Variants in GOLGA1 observed in about 807,000 individuals in gnomAD.
GOLGA1 encodes the protein golgin subfamily A member 1.
A neutral mutation model predicts 119.7 loss-of-function variants in GOLGA1; 63 were observed. The observed-to-expected ratio is 0.53, with a 90% CI of 0.43 to 0.65. GOLGA1 has a LOEUF of 0.65. Ranked by LOEUF, GOLGA1 falls within the 30% of genes least tolerant of loss-of-function variation. GOLGA1 has a pLI of 0.00. For missense variants in GOLGA1, 798 were observed against 912.8 expected (o/e 0.87, Z 1.62); for synonymous variants, 318 against 333.4 (o/e 0.95, Z 0.50).
rs1375351520 is a variant in GOLGA1, at chr9:124,921,196, G to A, written c.776C>T (p.Thr259Ile). ...ASKTGAESKITALEQKEQELQ... is the reference protein window; with the variant it reads ...ASKTGAESKIIALEQKEQELQ... ...CTCTTGTTCCTTTTGTTCCAGGGCT[G>A]TGATCTTACTTTCTGCACCTGTTTT... is the stretch of plus-strand genomic sequence containing the variant. The change falls in exon 10 of 23, where the codon ACA becomes ATA. Residue 259 changes from threonine (T) to isoleucine (I), a missense_variant. Coordinates refer to ENST00000373555, the MANE Select transcript of GOLGA1 (RefSeq NM_002077.4). The A allele has an allele frequency of 1.2e-6, 2 of 1,613,110 alleles. No homozygotes were observed. The highest frequency in any genetic ancestry group is 1.7e-6 in the Non-Finnish European group (2 of 1,179,084).
Position 124,898,572 on chromosome 9 carries a change from G to T in GOLGA1, c.1384C>A (p.Gln462Lys). 6.3e-7 allele frequency: 1 copy of T among 1,598,318 alleles called. No individual in the cohort carries two copies. Among genetic ancestry groups the T allele is most frequent in the Non-Finnish European group, 8.6e-7 (1 of 1,166,578 alleles). ...ACCTTCAGCTTCTTTAGTTCAAATT[G>T]GTGATTTTGTAAAGAACGTTCATAT... is the stretch of plus-strand genomic sequence containing the variant. ...NEYERSLQNH[Q>K]FELKKLKEEW... The change falls in exon 15 of 23, where the codon CAA (glutamine) becomes AAA (lysine). Residue 462 changes from glutamine to lysine, a missense_variant. Transcript: ENST00000373555.
Position 124,879,606 on chromosome 9 carries a change from AC to A in GOLGA1, c.*923del, listed in dbSNP as rs1829526643. ...GCGCAGCACAGAATCAAGACAAAGCACACGAGATCCCACTGCACTTCAGAGG... is the reference window on the plus strand; with the variant it reads ...GCGCAGCACAGAATCAAGACAAAGCAACGAGATCCCACTGCACTTCAGAGG... On this transcript the variant is annotated 3_prime_UTR_variant, in exon 23 of 23. Coordinates refer to ENST00000373555, the MANE Select transcript of GOLGA1 (RefSeq NM_002077.4). 6.6e-6 allele frequency: 1 copy of A among 151,418 alleles called. No individual in the cohort carries two copies. Among genetic ancestry groups the A allele is most frequent in the Non-Finnish European group, 1.5e-5 (1 of 67,932 alleles). The allele number at this position is 151,418 out of a possible 1,614,324, so 9.4% of individuals were successfully genotyped here.
At chr9:124,894,426 C>T (rs1829920800) in intron 15 of GOLGA1, among the ~76,000 whole-genome samples, 1 of 151,278 alleles carries the variant, frequency 6.6e-6, no homozygotes. Context: ...GAAATAGGTT[C>T]TTGCTCTGTC....
intron 12 of GOLGA1, among the ~76,000 whole-genome samples, chr9:124,903,570 T>C (rs1488665204): frequency 1.4e-5 from 2 of 138,154 alleles, no homozygotes; most frequent in African/African-American, 5.5e-5. Context: ...GAAACAAAGG[T>C]ATAGCTTGAG....
Position 124,894,970 on chromosome 9 carries a change from T to A in GOLGA1, c.1407+3579A>T, listed in dbSNP as rs377452252. ...GAGACCCATCCACAACAGAGACCCA[T>A]CCACAACAGAGAACCCTCCACAACA... On this transcript the variant is annotated intron_variant, in intron 15 of 22. Transcript: ENST00000373555. Among the ~76,000 whole-genome samples the A allele has an allele frequency of 3.0e-3, 400 of 131,764 alleles. 1 individual carries two copies. The highest frequency in any genetic ancestry group is 0.012 in the African/African-American group (384 of 31,008). 86.4% of individuals were successfully genotyped at this position (131,764 alleles called of 152,430 possible). A position where few individuals can be genotyped will look rare whatever the true frequency, so the allele number is the denominator to read the frequency against.
chr9:124,919,094 A>G (rs1189043669), intron 10 of GOLGA1, among the ~76,000 whole-genome samples: 2 of 151,792 alleles, frequency 1.3e-5, no homozygotes, highest in African/African-American at 4.8e-5. Flanking sequence ...ACAGATAATA[A>G]TAATAAAAAA....
intron 19 of GOLGA1, among the ~76,000 whole-genome samples, chr9:124,886,860 G>C (rs1829733261): frequency 1.3e-5 from 2 of 152,044 alleles, no homozygotes. Flanking sequence ...CATGAAGTTG[G>C]GGTTAGGGGC....
rs376095456 is a variant in GOLGA1, at chr9:124,890,964, G to C, written c.1408-486C>G. ...GAACCCAGGAGTTCAAGGCCATCCT[G>C]GGTAACACAGTGAGGATCTGTCTCT... On this transcript the variant is annotated intron_variant, in intron 15 of 22. Transcript: ENST00000373555. Among the ~76,000 whole-genome samples, 10 of 152,234 alleles carry C rather than the reference G, an allele frequency of 6.6e-5. No individual in the cohort carries two copies. In the South Asian group the frequency reaches 2.1e-3, roughly 32 times the overall value.
chr9:124,937,996 T>C (rs1313591932), intron 3 of GOLGA1, among the ~76,000 whole-genome samples: 1 of 151,104 alleles, frequency 6.6e-6, no homozygotes, highest in Non-Finnish European at 1.5e-5. Context: ...GGCACGAGAA[T>C]TGCTTGAGCC....
At chr9:124,932,805 G>T (rs1830794338) in intron 3 of GOLGA1, among the ~76,000 whole-genome samples, 1 of 152,096 alleles carries the variant, frequency 6.6e-6, no homozygotes, top group Non-Finnish European at 1.5e-5. Flanking sequence ...CCCACTTTCT[G>T]GTTCATACAT....
chr9:124,926,410 C>A (rs1275677433), intron 7 of GOLGA1, among the ~76,000 whole-genome samples: 1 of 152,114 alleles, frequency 6.6e-6, no homozygotes, highest in East Asian at 1.9e-4. Context: ...TGGCTGAACC[C>A]AACCGGATGC....
chr9:124,896,716 T>G (rs1436353930), intron 15 of GOLGA1, among the ~76,000 whole-genome samples: 1 of 152,214 alleles, frequency 6.6e-6, no homozygotes, highest in Admixed American at 6.5e-5. Context: ...CCAAGGCCAG[T>G]GGATCGCTTG....
At position 124,881,918 on chromosome 9, in the gene GOLGA1, C is replaced by G; in HGVS notation, c.2002G>C (p.Glu668Gln). The G allele has an allele frequency of 6.2e-7, 1 of 1,611,710 alleles. No individual in the cohort carries two copies. Among genetic ancestry groups the G allele is most frequent in the Non-Finnish European group, 8.5e-7 (1 of 1,179,062 alleles). ...RPDNELFEVREKPGPEMANMA... is the reference protein window; with the variant it reads ...RPDNELFEVRQKPGPEMANMA... ...TTTGCCATCTCAGGTCCAGGTTTCT[C>G]CCGGACTTCGAAGAGCTCATTATCG... is the stretch of plus-strand genomic sequence containing the variant. Residue 668 changes from glutamate (E) to glutamine (Q), a missense_variant, in exon 21 of 23, where the codon GAG becomes CAG. Coordinates refer to ENST00000373555, the MANE Select transcript of GOLGA1 (RefSeq NM_002077.4). This position sits in a 1 kb window ranked among gnomAD's most constrained non-coding sequence, Gnocchi z 4.9.
intron 10 of GOLGA1, among the ~76,000 whole-genome samples, chr9:124,916,877 C>CAAAAAAAAAAA (rs71494043): frequency 4.9e-5 from 2 of 41,212 alleles, no homozygotes; most frequent in African/African-American, 1.1e-4. Context: ...CCCTGACACA[C>CAAAAAAAAAAA]AAAAAAAAAA....
chr9:124,895,595 C>G (rs1268179248), intron 15 of GOLGA1, among the ~76,000 whole-genome samples: 3 of 147,830 alleles, frequency 2.0e-5, no homozygotes, highest in East Asian at 2.0e-4. Flanking sequence ...ACGACAGAGA[C>G]CCTCCACGAC....
intron 2 of GOLGA1, among the ~76,000 whole-genome samples, chr9:124,939,879 A>T (rs1178271543): frequency 6.6e-6 from 1 of 152,006 alleles, no homozygotes; most frequent in Non-Finnish European, 1.5e-5. Flanking sequence ...TTCTTTTCTT[A>T]AGAATGTTTG....
intron 7 of GOLGA1, among the ~76,000 whole-genome samples, chr9:124,924,159 T>G (rs1407705122): frequency 3.9e-5 from 6 of 152,172 alleles, no homozygotes; most frequent in Non-Finnish European, 5.9e-5. Context: ...CCCAGCCTTA[T>G]TTTACATGTC....
chr9:124,921,362 C>A, intron 9 of GOLGA1, 122 bp from the exon 10 acceptor site: 1 of 686,272 alleles, frequency 1.5e-6, no homozygotes, highest in Non-Finnish European at 2.6e-6. Flanking sequence ...TAGCCACATG[C>A]AGGTTTTCAA....
chr9:124,916,101 CTAAATAAA>C (rs5900631), intron 10 of GOLGA1, among the ~76,000 whole-genome samples: 73 of 144,318 alleles, frequency 5.1e-4, no homozygotes, highest in Middle Eastern at 3.6e-3. Flanking sequence ...GACTGTATCT[CTAAATAAA>C]TAAATAAATA....
Sources: gnomAD v4.1 joint callset for allele counts (sites outside exome capture counted in the v4.1 genomes callset) on GRCh38, gnomAD v4.1.1 for gene constraint, Gnocchi (gnomAD v3.1) non-coding constraint, MANE v1.5 for transcripts, NCBI Gene and HGNC (gene_info 2026-07-23, HGNC 2026-07-21) for gene names.